STK36: variants seen among roughly 807,000 people sequenced by gnomAD.
STK36 encodes the protein serine/threonine kinase 36.
Under a neutral mutation model 142.2 loss-of-function variants are expected in STK36, and 116 were observed. The observed-to-expected ratio is 0.82, with a 90% CI of 0.70 to 0.95. The LOEUF is 0.95. STK36 is among the 40% of genes least tolerant of loss of function. The pLI, the probability that STK36 is intolerant of heterozygous loss-of-function variation, is 0.00. For synonymous variants in STK36, 619 were observed against 641.7 expected, an observed-to-expected ratio of 0.96 and a Z score of 0.53; for missense variants, 1,422 against 1,617.2, an observed-to-expected ratio of 0.88 and a Z score of 2.07.
At position 218,692,726 on chromosome 2, in the gene STK36, G is replaced by A. The variant is rs780989165; in HGVS notation, c.2043+16G>A. The A allele has an allele frequency of 4.4e-6, 7 of 1,606,146 alleles. No individual in the cohort carries two copies. The Admixed American group carries it at 1.0e-4, about 23-fold the overall frequency. The stretch of plus-strand genomic sequence containing the variant: ...CAAGGAGCAGGTCCGAGCTACAATT[G>A]GTTGTTCCTCTCATCCTACTGCCAG... On this transcript the variant is annotated intron_variant, in intron 16 of 26. Transcript: ENST00000295709.
Position 218,694,559 on chromosome 2 carries a change from A to G in STK36, c.2435A>G (p.Gln812Arg). ...AAACLLGQLG[Q>R]QGVTFDLQPM... ...GCCTGTCTATTGGGACAGCTTGGTCAGCAAGGGGTGACCTTTGACCTCCAG... is the reference window on the plus strand; with the variant it reads ...GCCTGTCTATTGGGACAGCTTGGTCGGCAAGGGGTGACCTTTGACCTCCAG... The change falls in exon 21 of 27, where the codon CAG becomes CGG. Residue 812 changes from glutamine to arginine, a missense_variant. Physicochemically the swap from Gln to Arg is conservative, Grantham distance 43 (BLOSUM62 1). Around this residue, in one of 2 missense-constraint regions of STK36, gnomAD observed 962 missense variants for 1,167.5 expected, o/e 0.82. Coordinates refer to ENST00000295709, the MANE Select transcript of STK36 (RefSeq NM_015690.5). The surrounding 1 kb of genome is among the most constrained non-coding windows in gnomAD (Gnocchi z 4.4). The G allele has an allele frequency of 6.2e-7, 1 of 1,614,244 alleles. No individual in the cohort carries two copies. Among genetic ancestry groups the G allele is most frequent in the Non-Finnish European group, 8.5e-7 (1 of 1,180,048 alleles).
chr2:218,695,692 C>T (rs1362555021), intron 21 of STK36, among the ~76,000 whole-genome samples: 1 of 150,786 alleles, frequency 6.6e-6, no homozygotes, highest in Non-Finnish European at 1.5e-5. Flanking sequence ...CACCACCATG[C>T]CTGGCTAATT....
chr2:218,674,346 A>G (rs1940136442), intron 4 of STK36, among the ~76,000 whole-genome samples: 1 of 152,200 alleles, frequency 6.6e-6, no homozygotes, highest in Non-Finnish European at 1.5e-5. Context: ...ACCTTTAGGG[A>G]AGAAGGGCCA....
chr2:218,694,210 C>T lies in STK36; in HGVS notation c.2337-54C>T, dbSNP rs947888771. The T allele has an allele frequency of 8.0e-6, 12 of 1,507,086 alleles. No homozygotes were observed. Among genetic ancestry groups the T allele is most frequent in the Non-Finnish European group, 1.1e-5 (12 of 1,082,908 alleles). The allele number at this position is 1,507,086 out of a possible 1,614,324, so 93.4% of individuals were successfully genotyped here. On this transcript the variant is annotated intron_variant, in intron 19 of 26. Coordinates refer to ENST00000295709, the MANE Select transcript of STK36 (RefSeq NM_015690.5). This position sits in a 1 kb window ranked among gnomAD's most constrained non-coding sequence, Gnocchi z 4.4. ...ACCATGCAAGGGAGAGGGGAGGCCG[C>T]TTACCAACCTCCTTTAATACTGCTG...
intron 7 of STK36, 76 bp from the exon 8 acceptor site, chr2:218,679,484 G>A (rs1338348034): frequency 2.6e-6 from 4 of 1,521,320 alleles, no homozygotes; most frequent in African/African-American, 1.4e-5. Context: ...TGGAGACACT[G>A]AAGTTGTCCC....
chr2:218,701,704 T>C (rs1040038559), intron 26 of STK36, among the ~76,000 whole-genome samples, 162 bp from the exon 27 acceptor site: 6 of 152,320 alleles, frequency 3.9e-5, no homozygotes, highest in African/African-American at 1.4e-4. Context: ...AAGGTTTCTC[T>C]TCTGCCATTC....
chr2:218,680,257 A>G (rs1044132542), intron 9 of STK36, among the ~76,000 whole-genome samples, 177 bp downstream of exon 9: 2 of 152,178 alleles, frequency 1.3e-5, no homozygotes, highest in South Asian at 2.1e-4. Flanking sequence ...CTGATTCATC[A>G]GGAAACTTGG....
In STK36 at chr2:218,692,614, G is replaced by A. The variant is rs1941051369; in HGVS notation, c.1947G>A (p.Glu649=). Residue 649 remains glutamate (E), a synonymous_variant, in exon 16 of 27, where the codon GAG becomes GAA. Coordinates refer to ENST00000295709, the MANE Select transcript of STK36 (RefSeq NM_015690.5). ...CGCAAGTGAGCCAGCCACTGCGAGA[G>A]CAGAGTGAGGATATACCTGGAGCCA... ...GAPQVSQPLR[E]QSEDIPGAIS... The A allele has an allele frequency of 5.6e-6, 9 of 1,613,566 alleles. No individual in the cohort carries two copies. The highest frequency in any genetic ancestry group is 7.6e-6 in the Non-Finnish European group (9 of 1,180,004).
Position 218,699,332 on chromosome 2 carries a change from A to C in STK36, c.3788A>C (p.Glu1263Ala), listed in dbSNP as rs2106368045. Residue 1263 changes from glutamate to alanine, a missense_variant, in exon 26 of 27, where the codon GAG (glutamate) becomes GCG (alanine). Physicochemically the swap from Glu to Ala is moderately radical, Grantham distance 107. Around this residue, in one of 2 missense-constraint regions of STK36, gnomAD observed 962 missense variants for 1,167.5 expected, o/e 0.82. Transcript: ENST00000295709. ...ATTGCCCTCCGGAGCCTGCAACAGGAGCCTGGCATCCATCAGGTATACCCT... is the reference window on the plus strand; with the variant it reads ...ATTGCCCTCCGGAGCCTGCAACAGGCGCCTGGCATCCATCAGGTATACCCT... The part of the protein sequence containing the change: ...ALIALRSLQQ[E>A]PGIHQVLVSL... 6.2e-7 allele frequency: 1 copy of C among 1,613,780 alleles called. No homozygotes were observed. Among genetic ancestry groups the C allele is most frequent in the Non-Finnish European group, 8.5e-7 (1 of 1,179,950 alleles).
intron 10 of STK36, among the ~76,000 whole-genome samples, chr2:218,684,414 CT>C (rs779556469): frequency 1.6e-4 from 8 of 49,342 alleles, no homozygotes; most frequent in Middle Eastern, 0.031. Context: ...TGCGCCTGGC[CT>C]TTTTTTTTTT....
Position 218,690,464 on chromosome 2 carries a change from A to T in STK36, c.1673A>T (p.Gln558Leu). The part of the protein sequence containing the change: ...SQTSDSLQVF[Q>L]EAANLFLDLL... ...TCCACCCCCAGCCTGCAGGTGTTTC[A>T]GGAGGCTGCCAACCTTTTTCTGGAC... Residue 558 changes from glutamine (Q) to leucine (L), a missense_variant, in exon 14 of 27, where the codon CAG becomes CTG. Gln to Leu is a moderately radical substitution (Grantham distance 113). Coordinates refer to ENST00000295709, the MANE Select transcript of STK36 (RefSeq NM_015690.5). The T allele has an allele frequency of 1.9e-6, 3 of 1,614,090 alleles. No individual in the cohort carries two copies. The highest frequency in any genetic ancestry group is 1.1e-5 in the South Asian group (1 of 91,078).
chr2:218,698,357 G>GT (rs1467769125), intron 25 of STK36, among the ~76,000 whole-genome samples: 1 of 152,092 alleles, frequency 6.6e-6, no homozygotes, highest in Non-Finnish European at 1.5e-5. Context: ...GTTTCTTTTT[G>GT]TTTTTTCACA....
chr2:218,701,780 G>C (rs1024953824), intron 26 of STK36, 86 bp from the exon 27 acceptor site: 36 of 1,496,726 alleles, frequency 2.4e-5, no homozygotes, highest in Non-Finnish European at 3.2e-5. Context: ...GAATTCCTGG[G>C]TAAATGAGAG....
Position 218,701,903 on chromosome 2 carries a change from T to C in STK36, c.3842T>C (p.Leu1281Ser), listed in dbSNP as rs1941456827. 1.2e-6 allele frequency: 2 copies of C among 1,614,190 alleles called. No homozygotes were observed. Among genetic ancestry groups the C allele is most frequent in the Non-Finnish European group, 1.7e-6 (2 of 1,180,034 alleles). Residue 1281 changes from leucine (L) to serine (S), a missense_variant, in exon 27 of 27, where the codon TTG becomes TCG. Around this residue, in one of 2 missense-constraint regions of STK36, gnomAD observed 962 missense variants for 1,167.5 expected, o/e 0.82. Coordinates refer to ENST00000295709, the MANE Select transcript of STK36 (RefSeq NM_015690.5). ...CTGGGTGCCAGTGAGAAACTATCCT[T>C]GCTCTCTCTGGGGAATCAGTCACTG... ...VSLGASEKLS[L>S]LSLGNQSLPH... is the part of the protein sequence containing the mutation.
At chr2:218,679,345 A>G (rs959487852) in intron 7 of STK36, 84 bp downstream of exon 7, 2 of 1,410,606 alleles carry the variant, frequency 1.4e-6, no homozygotes, top group African/African-American at 2.8e-5. Flanking sequence ...GACCATCTAG[A>G]TATAACATGT....
chr2:218,672,761 C>A lies in STK36; in HGVS notation c.-69C>A. The A allele has an allele frequency of 6.6e-7, 1 of 1,514,152 alleles. No individual in the cohort carries two copies. 93.8% of individuals were successfully genotyped at this position (1,514,152 alleles called of 1,614,324 possible). A position where few individuals can be genotyped will look rare whatever the true frequency, so the allele number is the denominator to read the frequency against. Reference sequence around the variant, plus strand: ...ACTAGGCGTCCCAGATGTTGTGGAACTGTCCCTGGATCTATAGCTCTTCAC... The same window carrying A: ...ACTAGGCGTCCCAGATGTTGTGGAAATGTCCCTGGATCTATAGCTCTTCAC... On this transcript the variant is annotated 5_prime_UTR_variant, in exon 2 of 27. The change creates a new upstream start codon in the 5' untranslated region. Coordinates refer to ENST00000295709, the MANE Select transcript of STK36 (RefSeq NM_015690.5).
intron 14 of STK36, among the ~76,000 whole-genome samples, chr2:218,691,649 G>A (rs541367101): frequency 1.2e-4 from 19 of 152,038 alleles, no homozygotes; most frequent in South Asian, 2.1e-4. Flanking sequence ...TCCACCCTCC[G>A]GGCTCAAGCA....
chr2:218,686,096 GC>G (rs2106354723), intron 11 of STK36, among the ~76,000 whole-genome samples: 1 of 151,918 alleles, frequency 6.6e-6, no homozygotes, highest in Admixed American at 6.6e-5. Context: ...GTGCCACCAC[GC>G]CCGGTTAATT....
At position 218,697,890 on chromosome 2, in the gene STK36, C is replaced by G. The variant is rs1473440471; in HGVS notation, c.2946C>G (p.Leu982=). The change falls in exon 25 of 27, where the codon CTC becomes CTG. Residue 982 remains leucine, a synonymous_variant. Coordinates refer to ENST00000295709, the MANE Select transcript of STK36 (RefSeq NM_015690.5). ...HGSEFLPVVV[L]SVCQLLCFPF... is the part of the protein sequence containing the mutation. ...CTGAGTTTCTCCCTGTCGTGGTGCT[C>G]TCTGTCTGCCAGCTCCTTTGCTTCC... The G allele has an allele frequency of 6.2e-7, 1 of 1,614,204 alleles. No homozygotes were observed. The highest frequency in any genetic ancestry group is 1.1e-5 in the South Asian group (1 of 91,078).
Sources: allele counts gnomAD v4.1 joint callset (sites outside exome capture counted in the v4.1 genomes callset), GRCh38; gene constraint gnomAD v4.1.1; regional missense constraint gnomAD v4.1.1; non-coding constraint Gnocchi (gnomAD v3.1); transcripts MANE v1.5; gene names NCBI Gene and HGNC (gene_info 2026-07-23, HGNC 2026-07-21).